MCC: variants seen among roughly 807,000 people sequenced by gnomAD.
MCC encodes the protein MCC regulator of Wnt signaling pathway, also known as colorectal mutant cancer protein.
Under a neutral mutation model 116.2 loss-of-function variants are expected in MCC, and 90 were observed. The observed-to-expected ratio is 0.77, with a 90% CI of 0.65 to 0.92. MCC has a LOEUF of 0.92. Ranked by LOEUF, MCC falls within the 40% of genes least tolerant of loss-of-function variation. The probability of loss-of-function intolerance (pLI) is 0.00; values close to 1 mark genes in which losing one functional copy is unlikely to be tolerated. For missense variants in MCC, 1,516 were observed against 1,312.2 expected (o/e 1.16, Z -2.40); for synonymous variants, 578 against 510.5 (o/e 1.13, Z -1.78).
intron 1 of MCC, among the ~76,000 whole-genome samples, chr5:113,404,554 T>C (rs953375804): frequency 3.3e-5 from 5 of 152,206 alleles, no homozygotes; most frequent in Admixed American, 6.5e-5. Context: ...TTTGTCAAAA[T>C]CAAAATTGTA....
intron 11 of MCC, among the ~76,000 whole-genome samples, chr5:113,079,012 A>G (rs1401242570): frequency 6.6e-6 from 1 of 152,230 alleles, no homozygotes; most frequent in Non-Finnish European, 1.5e-5. Flanking sequence ...CTGTACACCA[A>G]TAACAGACAA....
intron 3 of MCC, among the ~76,000 whole-genome samples, chr5:113,291,130 T>C (rs981727168): frequency 3.3e-5 from 5 of 152,330 alleles, no homozygotes; most frequent in Non-Finnish European, 7.4e-5. Context: ...TTGTTCAAAC[T>C]AAAGATACAA....
At chr5:113,294,484 C>T (rs1368887421) in intron 3 of MCC, 4 of 1,590,202 alleles carry the variant, frequency 2.5e-6, no homozygotes, top group African/African-American at 1.3e-5. Flanking sequence ...CCTTCTGCCA[C>T]ATTTTAGTCT....
chr5:113,304,705 C>T (rs563934138), intron 3 of MCC, among the ~76,000 whole-genome samples: 147 of 151,836 alleles, frequency 9.7e-4, no homozygotes, highest in Non-Finnish European at 1.8e-3. Context: ...AACTATATCA[C>T]ATTTTCTATG....
At chr5:113,424,132 TAC>T (rs547192248) in intron 1 of MCC, among the ~76,000 whole-genome samples, 21,760 of 111,996 alleles carry the variant, frequency 0.19, 1,813 homozygotes, top group Admixed American at 0.33. Flanking sequence ...AGTCATCCTC[TAC>T]ACACACACAC....
chr5:113,235,263 G>C (rs939357850), intron 3 of MCC, among the ~76,000 whole-genome samples: 47 of 152,278 alleles, frequency 3.1e-4, no homozygotes, highest in African/African-American at 1.0e-3. Flanking sequence ...TGACTTCAAT[G>C]CACTTGAGAA....
chr5:113,393,294 A>G (rs1317304322), intron 1 of MCC, among the ~76,000 whole-genome samples: 3 of 152,220 alleles, frequency 2.0e-5, no homozygotes, highest in African/African-American at 7.2e-5. Context: ...AATATTTAAA[A>G]TGTCTCTTAA....
chr5:113,026,729 C>T lies in MCC; in HGVS notation c.*573G>A, dbSNP rs1750576132. ...ACACCTGTCTACGCTCTTCCCATGA[C>T]CTATAACTCCCAGAGATCACCTCTT... On this transcript the variant is annotated 3_prime_UTR_variant, in exon 19 of 19. Coordinates refer to ENST00000408903, the MANE Select transcript of MCC (RefSeq NM_001085377.2). 6.5e-6 allele frequency: 1 copy of T among 153,280 alleles called. No individual in the cohort carries two copies. The highest frequency in any genetic ancestry group is 1.5e-5 in the Non-Finnish European group (1 of 68,960). The allele number at this position is 153,280 out of a possible 1,614,324, so 9.5% of individuals were successfully genotyped here. A position where few individuals can be genotyped will look rare whatever the true frequency, so the allele number is the denominator to read the frequency against.
chr5:113,365,633 A>T (rs1768668437), intron 2 of MCC, among the ~76,000 whole-genome samples: 1 of 152,202 alleles, frequency 6.6e-6, no homozygotes, highest in South Asian at 2.1e-4. Flanking sequence ...GTATTAGTTC[A>T]TTCTTGCATT....
At chr5:113,051,579 G>T (rs555543257) in intron 15 of MCC, among the ~76,000 whole-genome samples, 1 of 152,178 alleles carries the variant, frequency 6.6e-6, no homozygotes, top group Admixed American at 6.5e-5. Context: ...TAAAAAGTCA[G>T]CTGGGTAGGG....
intron 16 of MCC, 28 bp downstream of exon 16, chr5:113,049,065 G>A: frequency 1.9e-6 from 3 of 1,611,062 alleles, no homozygotes; most frequent in Non-Finnish European, 2.5e-6. Context: ...CTGAGCCTAA[G>A]GGTGTCCCCA....
intron 2 of MCC, among the ~76,000 whole-genome samples, chr5:113,374,991 CA>C (rs70973680): frequency 0.18 from 15,736 of 85,070 alleles, 729 homozygotes; most frequent in Non-Finnish European, 0.2. Flanking sequence ...GACCCTGTCT[CA>C]AAAAAAAAAA....
chr5:113,085,847 C>A (rs1027069453), intron 8 of MCC, among the ~76,000 whole-genome samples: 1 of 152,118 alleles, frequency 6.6e-6, no homozygotes, highest in South Asian at 2.1e-4. Flanking sequence ...ACACACCACA[C>A]CTGGCTAATT....
In MCC at chr5:113,142,915, A is replaced by G. The variant is rs546018471; in HGVS notation, c.884+303T>C. Reference sequence around the variant, plus strand: ...ACTCATGACTAAAGCATTTCACTCAACTTCTGATTTCATACCCTTATCAAC... The same window carrying G: ...ACTCATGACTAAAGCATTTCACTCAGCTTCTGATTTCATACCCTTATCAAC... On this transcript the variant is annotated intron_variant, in intron 5 of 18. Coordinates refer to ENST00000408903, the MANE Select transcript of MCC (RefSeq NM_001085377.2). Among the ~76,000 whole-genome samples the G allele has an allele frequency of 7.2e-5, 11 of 152,254 alleles. No homozygotes were observed. The South Asian group carries it at 1.7e-3, about 23-fold the overall frequency.
At chr5:113,315,734 A>C (rs1274377901) in intron 3 of MCC, among the ~76,000 whole-genome samples, 1 of 147,986 alleles carries the variant, frequency 6.8e-6, no homozygotes, top group East Asian at 1.9e-4. Context: ...AAAAATAGCA[A>C]GGCATTGTGG....
At chr5:113,486,453 G>A (rs1343553823) in intron 1 of MCC, among the ~76,000 whole-genome samples, 3 of 152,216 alleles carry the variant, frequency 2.0e-5, no homozygotes, top group African/African-American at 7.2e-5. Context: ...TATAGAAAGT[G>A]TAGTTCAGAT....
chr5:113,174,455 TAAC>T (rs1235342503), intron 3 of MCC, among the ~76,000 whole-genome samples: 3 of 152,016 alleles, frequency 2.0e-5, no homozygotes, highest in African/African-American at 7.2e-5. Flanking sequence ...AGCAGTATAA[TAAC>T]AAAAACTAAA....
intron 10 of MCC, among the ~76,000 whole-genome samples, chr5:113,083,427 C>T (rs1006859553): frequency 3.9e-5 from 6 of 152,214 alleles, no homozygotes; most frequent in Non-Finnish European, 7.3e-5. Flanking sequence ...GGCTTTGGCA[C>T]AGAATCTGAA....
intron 17 of MCC, among the ~76,000 whole-genome samples, chr5:113,040,921 G>C (rs1751667587): frequency 1.3e-5 from 2 of 152,262 alleles, no homozygotes; most frequent in Non-Finnish European, 2.9e-5. Flanking sequence ...TGAGGTTTGG[G>C]GAATTTGAAA....
Sources: allele counts gnomAD v4.1 joint callset (sites outside exome capture counted in the v4.1 genomes callset), GRCh38; gene constraint gnomAD v4.1.1; transcripts MANE v1.5; gene names NCBI Gene and HGNC (gene_info 2026-07-23, HGNC 2026-07-21).